The following SCAPER variants were observed in gnomAD, a reference collection of about 807,000 sequenced individuals.
The protein encoded by SCAPER is S-phase cyclin A associated protein in the ER.
A neutral mutation model predicts 182.2 loss-of-function variants in SCAPER; 98 were observed. The observed-to-expected ratio is 0.54, with a 90% CI of 0.46 to 0.64. The LOEUF (loss-of-function observed/expected upper bound fraction) is 0.64, where lower values mean the gene tolerates loss of function less well. Ranked by LOEUF, SCAPER falls within the 30% of genes least tolerant of loss-of-function variation. The pLI is 0.00. For synonymous variants in SCAPER, 605 were observed against 564.6 expected (o/e 1.07, Z -1.01); for missense variants, 1,432 against 1,690.0 (o/e 0.85, Z 2.68).
chr15:76,769,641 C>T (rs1473240353), intron 10 of SCAPER, among the ~76,000 whole-genome samples: 1 of 150,436 alleles, frequency 6.6e-6, no homozygotes, highest in Non-Finnish European at 1.5e-5. Flanking sequence ...GTTAGAACGG[C>T]GATCATTAAA....
intron 23 of SCAPER, among the ~76,000 whole-genome samples, chr15:76,530,415 C>T (rs1208516281): frequency 6.6e-6 from 1 of 152,158 alleles, no homozygotes; most frequent in Admixed American, 6.5e-5. Flanking sequence ...GAGTAGTGTG[C>T]ACAGTCACCC....
intron 10 of SCAPER, 34 bp from the exon 11 acceptor site, chr15:76,767,122 AATG>A (rs1294714433): frequency 1.3e-6 from 2 of 1,513,622 alleles, no homozygotes; most frequent in African/African-American, 2.8e-5. Flanking sequence ...CAAAAAGAAA[AATG>A]ATCACTTGAC....
chr15:76,568,937 T>C (rs1224930051), intron 23 of SCAPER, among the ~76,000 whole-genome samples: 2 of 152,068 alleles, frequency 1.3e-5, no homozygotes, highest in Non-Finnish European at 2.9e-5. Flanking sequence ...TCTAGTACCC[T>C]TGTTAATCTA....
intron 25 of SCAPER, among the ~76,000 whole-genome samples, chr15:76,458,715 A>C (rs1188784951): frequency 6.6e-6 from 1 of 152,092 alleles, no homozygotes; most frequent in Non-Finnish European, 1.5e-5. Flanking sequence ...TATACAATAC[A>C]CTGTTGTAAA....
intron 22 of SCAPER, among the ~76,000 whole-genome samples, chr15:76,592,192 G>C (rs2049171817): frequency 6.6e-6 from 1 of 151,550 alleles, no homozygotes; most frequent in Non-Finnish European, 1.5e-5. Context: ...TATAAAAATA[G>C]GTAATACTTA....
At chr15:76,572,290 C>T (rs1023388044) in intron 23 of SCAPER, among the ~76,000 whole-genome samples, 1 of 152,172 alleles carries the variant, frequency 6.6e-6, no homozygotes, top group African/African-American at 2.4e-5. Flanking sequence ...ATTCAAAGTA[C>T]TCTATACTTT....
At chr15:76,704,656 G>A (rs2059147694) in intron 18 of SCAPER, among the ~76,000 whole-genome samples, 1 of 151,964 alleles carries the variant, frequency 6.6e-6, no homozygotes, top group Non-Finnish European at 1.5e-5. Context: ...TCTGACAAAG[G>A]GCTAATATCC....
chr15:76,729,061 A>G (rs1300880012), intron 16 of SCAPER, among the ~76,000 whole-genome samples: 1 of 152,042 alleles, frequency 6.6e-6, no homozygotes, highest in African/African-American at 2.4e-5. Flanking sequence ...AAAAATATGA[A>G]AAGAGAGACT....
At chr15:76,584,422 T>C (rs896433935) in intron 22 of SCAPER, among the ~76,000 whole-genome samples, 1 of 152,216 alleles carries the variant, frequency 6.6e-6, no homozygotes. Context: ...GGATAGTTTG[T>C]GACATTAAGA....
intron 8 of SCAPER, among the ~76,000 whole-genome samples, chr15:76,787,987 G>A (rs984281369): frequency 2.0e-5 from 3 of 152,116 alleles, no homozygotes; most frequent in African/African-American, 7.2e-5. Flanking sequence ...AAACTGAACT[G>A]TATTATTACA....
intron 5 of SCAPER, among the ~76,000 whole-genome samples, chr15:76,805,894 C>G (rs1295219143): frequency 6.6e-6 from 1 of 152,104 alleles, no homozygotes; most frequent in Non-Finnish European, 1.5e-5. Flanking sequence ...AAAGAAATGT[C>G]TATTCAAATC....
rs143128057 is a variant in SCAPER at position 76,404,652 on chromosome 15, G to A, written c.3339C>T (p.Asp1113=). 6.1e-5 allele frequency: 98 copies of A among 1,612,822 alleles called. 1 individual carries two copies. In the African/African-American group the frequency reaches 1.2e-3, roughly 20 times the overall value. The change falls in exon 27 of 32, where the codon GAC becomes GAT. Residue 1113 remains aspartate (D), a synonymous_variant. Coordinates refer to ENST00000563290, the MANE Select transcript of SCAPER (RefSeq NM_020843.4). ...CCGAGAGGAAGCAGGCACACAGTTT[G>A]TCAATCAGACCCATGTTCACCACGT... ...ISYVVNMGLI[D]KLCACFLSVQ...
rs374739280 is a variant in SCAPER at position 76,539,703 on chromosome 15, A to G, written c.2838+34455T>C. 9.2e-5 allele frequency among the ~76,000 whole-genome samples: 14 copies of G among 151,582 alleles called. 1 individual carries two copies. The highest frequency in any genetic ancestry group is 2.4e-4 in the African/African-American group (10 of 41,326). On this transcript the variant is annotated intron_variant, in intron 23 of 31. Transcript: ENST00000563290. ...TGGGACTACAGGCGCCCGCCACCTCACCCAGCTAATTTTTTGTATTTTTAG... is the reference window on the plus strand; with the variant it reads ...TGGGACTACAGGCGCCCGCCACCTCGCCCAGCTAATTTTTTGTATTTTTAG...
At chr15:76,734,583 C>T (rs1442147181) in intron 15 of SCAPER, among the ~76,000 whole-genome samples, 1 of 152,098 alleles carries the variant, frequency 6.6e-6, no homozygotes, top group Non-Finnish European at 1.5e-5. Context: ...TGAACGTACT[C>T]AAAATACAAG....
At chr15:76,607,701 A>T (rs1403440888) in intron 22 of SCAPER, among the ~76,000 whole-genome samples, 2 of 152,128 alleles carry the variant, frequency 1.3e-5, no homozygotes, top group South Asian at 4.1e-4. Flanking sequence ...TATTTCTTGG[A>T]AGCTTTGTTC....
At position 76,841,766 on chromosome 15, in the gene SCAPER, A is replaced by T; in HGVS notation, c.361T>A (p.Cys121Ser). The T allele has an allele frequency of 6.2e-7, 1 of 1,613,906 alleles. No homozygotes were observed. Among genetic ancestry groups the T allele is most frequent in the Non-Finnish European group, 8.5e-7 (1 of 1,179,862 alleles). The change falls in exon 5 of 32, where the codon TGC becomes AGC. Residue 121 changes from cysteine (C) to serine (S), a missense_variant. Transcript: ENST00000563290. ...RRAVDEIYVTCESDQSVVECK... is the reference protein window; with the variant it reads ...RRAVDEIYVTSESDQSVVECK... ...TCGACCACACTCTGATCTGATTCGC[A>T]AGTTACATAGATTTCATCTACTGCT...
intron 1 of SCAPER, among the ~76,000 whole-genome samples, chr15:76,901,564 T>C (rs961229677): frequency 6.6e-6 from 1 of 152,230 alleles, no homozygotes; most frequent in African/African-American, 2.4e-5. Context: ...TGAAATAGAT[T>C]GATACATAGC....
rs1001513446 is a variant in SCAPER at position 76,351,225 on chromosome 15, A to G, written c.4099+12T>C. The G allele has an allele frequency of 2.5e-6, 4 of 1,604,960 alleles. No individual in the cohort carries two copies. Among genetic ancestry groups the G allele is most frequent in the African/African-American group, 2.7e-5 (2 of 74,752 alleles). On this transcript the variant is annotated intron_variant, in intron 31 of 31. Coordinates refer to ENST00000563290, the MANE Select transcript of SCAPER (RefSeq NM_020843.4). Reference sequence around the variant, plus strand: ...AACAAACACATGAAATTTAATTTCAATAGAGACATACCTTTGGGTTGGTAA... The same window carrying G: ...AACAAACACATGAAATTTAATTTCAGTAGAGACATACCTTTGGGTTGGTAA...
intron 22 of SCAPER, among the ~76,000 whole-genome samples, chr15:76,608,258 C>A (rs904354659): frequency 2.0e-5 from 3 of 152,160 alleles, no homozygotes; most frequent in African/African-American, 7.2e-5. Flanking sequence ...AGCTGCAGGT[C>A]TGTTAGAGTT....
Sources: gnomAD v4.1 joint callset for allele counts (sites outside exome capture counted in the v4.1 genomes callset) on GRCh38, gnomAD v4.1.1 for gene constraint, MANE v1.5 for transcripts, NCBI Gene and HGNC (gene_info 2026-07-23, HGNC 2026-07-21) for gene names.